SLC39A11: variants seen among roughly 807,000 people sequenced by gnomAD.
The protein encoded by SLC39A11 is zinc transporter ZIP11.
A neutral mutation model predicts 36.1 loss-of-function variants in SLC39A11; 33 were observed. The ratio of observed to expected loss-of-function variants is 0.91; its 90% confidence interval spans 0.69 to 1.22. SLC39A11 has a LOEUF of 1.22. Ranked by LOEUF, SLC39A11 falls within the 50% of genes most tolerant of loss-of-function variation. The pLI is 0.00. For missense variants in SLC39A11, 432 were observed against 430.3 expected (o/e 1.00, Z -0.03); for synonymous variants, 166 against 170.3 (o/e 0.97, Z 0.20).
At chr17:72,804,189 G>T (rs1314849818) in intron 6 of SLC39A11, among the ~76,000 whole-genome samples, 1 of 152,048 alleles carries the variant, frequency 6.6e-6, no homozygotes, top group Non-Finnish European at 1.5e-5. Flanking sequence ...GTAGAGACGG[G>T]GTTTCACCAT....
intron 6 of SLC39A11, among the ~76,000 whole-genome samples, chr17:72,752,848 G>T (rs1185941812): frequency 2.6e-5 from 4 of 152,024 alleles, no homozygotes; most frequent in Non-Finnish European, 5.9e-5. Context: ...TGGAGTTTTT[G>T]TTGGTGGTGG....
rs1289449841 is a variant in SLC39A11 at position 73,078,532 on chromosome 17, G to C, written c.147+6276C>G. ...GAGACGGTCTCACTCTGTTGCCCAG[G>C]CTGGAGTGCAATGGCGCAATCTCGG... On this transcript the variant is annotated intron_variant, in intron 3 of 9. Transcript: ENST00000255559. 4.0e-5 allele frequency among the ~76,000 whole-genome samples: 6 copies of C among 151,754 alleles called. No individual in the cohort carries two copies. In the East Asian group the frequency reaches 1.2e-3, roughly 29 times the overall value.
At chr17:72,753,887 T>C (rs1196584793) in intron 6 of SLC39A11, among the ~76,000 whole-genome samples, 1 of 24,180 alleles carries the variant, frequency 4.1e-5, no homozygotes. Context: ...AAAGTCATTA[T>C]ACAAAAAAAA....
chr17:72,948,878 G>T (rs1371358106), intron 4 of SLC39A11, among the ~76,000 whole-genome samples: 1 of 152,106 alleles, frequency 6.6e-6, no homozygotes, highest in Non-Finnish European at 1.5e-5. Flanking sequence ...CCACAATGGG[G>T]TGGTAAGCTT....
chr17:72,689,341 A>G (rs1165170981), intron 7 of SLC39A11, among the ~76,000 whole-genome samples: 2 of 152,230 alleles, frequency 1.3e-5, no homozygotes, highest in East Asian at 3.8e-4. Flanking sequence ...AGCTGGGTCT[A>G]TGTGCAGCTA....
intron 7 of SLC39A11, among the ~76,000 whole-genome samples, chr17:72,662,529 GAAAGAGAGAAAGAAAGAAAAGAAA>G (rs1382943248): frequency 5.6e-5 from 6 of 107,976 alleles, no homozygotes; most frequent in African/African-American, 2.2e-4. Context: ...GAAAGAGAAA[GAAAGAGAGAAAGAAAGAAAAGAAA>G]AAAGAAAAGA....
At chr17:72,976,416 C>A (rs942257565) in intron 4 of SLC39A11, among the ~76,000 whole-genome samples, 1 of 152,080 alleles carries the variant, frequency 6.6e-6, no homozygotes, top group Non-Finnish European at 1.5e-5. Context: ...CTCACACTCA[C>A]CCTCCATTCC....
At chr17:72,764,480 T>C (rs1007173803) in intron 6 of SLC39A11, among the ~76,000 whole-genome samples, 4 of 152,148 alleles carry the variant, frequency 2.6e-5, no homozygotes, top group East Asian at 1.9e-4. Flanking sequence ...GTAGGATTGG[T>C]TAGGGGCACT....
intron 6 of SLC39A11, among the ~76,000 whole-genome samples, chr17:72,752,153 C>T (rs2075178690): frequency 1.3e-5 from 2 of 152,178 alleles, no homozygotes; most frequent in African/African-American, 2.4e-5. Flanking sequence ...TGAACCCTGA[C>T]ATAGAAAAGA....
intron 4 of SLC39A11, among the ~76,000 whole-genome samples, chr17:72,963,328 G>A (rs1381528013): frequency 3.0e-4 from 45 of 151,612 alleles, no homozygotes. Flanking sequence ...CCGCCACCAC[G>A]CCCGGCTAAT....
At chr17:73,048,251 A>G (rs898853761) in intron 3 of SLC39A11, among the ~76,000 whole-genome samples, 1 of 151,718 alleles carries the variant, frequency 6.6e-6, no homozygotes, top group African/African-American at 2.4e-5. Context: ...TGTGTGCTCA[A>G]TGCTTAGCTC....
At chr17:72,934,694 A>G (rs1165106756) in intron 5 of SLC39A11, among the ~76,000 whole-genome samples, 1 of 152,166 alleles carries the variant, frequency 6.6e-6, no homozygotes, top group Non-Finnish European at 1.5e-5. Context: ...AAACTCTACC[A>G]TAATTAAACA....
At chr17:72,749,022 G>T (rs1332794128) in intron 6 of SLC39A11, among the ~76,000 whole-genome samples, 10 of 152,190 alleles carry the variant, frequency 6.6e-5, no homozygotes, top group African/African-American at 2.4e-4. Flanking sequence ...ATGAATAATT[G>T]CTTATAACCA....
chr17:72,707,714 T>A (rs1340595171), intron 7 of SLC39A11, among the ~76,000 whole-genome samples: 1 of 152,202 alleles, frequency 6.6e-6, no homozygotes, highest in Non-Finnish European at 1.5e-5. Flanking sequence ...TGTTCTGTTA[T>A]ATTAAGTCAG....
At chr17:72,772,490 A>G (rs1421400816) in intron 6 of SLC39A11, among the ~76,000 whole-genome samples, 2 of 152,164 alleles carry the variant, frequency 1.3e-5, no homozygotes, top group Non-Finnish European at 2.9e-5. Flanking sequence ...GAAGCCACAT[A>G]GTGAGTGCTC....
chr17:73,091,566 A>G (rs1187196358), intron 1 of SLC39A11, among the ~76,000 whole-genome samples: 1 of 152,142 alleles, frequency 6.6e-6, no homozygotes, highest in African/African-American at 2.4e-5. Context: ...TCCCAAAAGA[A>G]CAGAAAGTTT....
chr17:72,861,668 T>TA lies in SLC39A11; in HGVS notation c.431-11865dup, dbSNP rs1206275448. Among the ~76,000 whole-genome samples, 296 of 107,110 alleles carry TA rather than the reference T, an allele frequency of 2.8e-3. 9 individuals carry two copies. Among genetic ancestry groups the TA allele is most frequent in the African/African-American group, 0.011 (281 of 24,648 alleles). The allele number at this position is 107,110 out of a possible 152,430, so 70.3% of individuals were successfully genotyped here. A position where few individuals can be genotyped will look rare whatever the true frequency, so the allele number is the denominator to read the frequency against. ...CTATATACAACACATTATATATATA[T>TA]ATATATATATATATATATATAAAAT... On this transcript the variant is annotated intron_variant, in intron 5 of 9. Transcript: ENST00000255559.
intron 3 of SLC39A11, among the ~76,000 whole-genome samples, chr17:73,066,415 G>A (rs2059997821): frequency 6.6e-6 from 1 of 152,146 alleles, no homozygotes. Flanking sequence ...GTTTTGAGGT[G>A]TTTTCTAACC....
intron 4 of SLC39A11, among the ~76,000 whole-genome samples, chr17:72,969,312 G>C (rs1448081962): frequency 6.6e-6 from 1 of 152,100 alleles, no homozygotes; most frequent in African/African-American, 2.4e-5. Context: ...TGTGCGGAGG[G>C]AGAACAGGGT....
Sources: gnomAD v4.1 joint callset for allele counts (sites outside exome capture counted in the v4.1 genomes callset) on GRCh38, gnomAD v4.1.1 for gene constraint, MANE v1.5 for transcripts, NCBI Gene and HGNC (gene_info 2026-07-23, HGNC 2026-07-21) for gene names.